Variants in SAMD5 observed in about 807,000 individuals in gnomAD.
SAMD5 encodes sterile alpha motif domain containing 5.
SAMD5 carries 13 observed loss-of-function variants against 11.3 expected under a neutral mutation model. That is an observed-to-expected ratio of 1.15 (90% CI 0.75 to 1.83). SAMD5 has a LOEUF of 1.83. SAMD5 is among the 40% of genes most tolerant of loss of function. The pLI, the probability that SAMD5 is intolerant of heterozygous loss-of-function variation, is 0.00. For synonymous variants in SAMD5, 129 were observed against 111.3 expected (o/e 1.16, Z -1.00); for missense variants, 255 against 239.1 (o/e 1.07, Z -0.44).
chr6:147,569,404 A>T lies in SAMD5; in HGVS notation c.*4948A>T. ...CTAAATTCCATGTTAAGAGCTAAGT[A>T]GTATTTTTTTCTTAACAATTTTGCC... On this transcript the variant is annotated 3_prime_UTR_variant, in exon 2 of 2. Transcript: ENST00000367474. The T allele has an allele frequency of 1.0e-6, 1 of 960,494 alleles. No homozygotes were observed. Among genetic ancestry groups the T allele is most frequent in the Non-Finnish European group, 1.2e-6 (1 of 807,188 alleles). 59.5% of individuals were successfully genotyped at this position (960,494 alleles called of 1,614,324 possible). A position where few individuals can be genotyped will look rare whatever the true frequency, so the allele number is the denominator to read the frequency against.
chr6:147,701,540 G>A (rs888514797), intron 1 of SAMD5, among the ~76,000 whole-genome samples: 5 of 151,794 alleles, frequency 3.3e-5, no homozygotes, highest in African/African-American at 4.8e-5. Flanking sequence ...AGGCTGAGGC[G>A]TGAGAATCAC....
chr6:147,855,791 T>C, the SAMD5 span, among the ~76,000 whole-genome samples: 3 of 152,188 alleles, frequency 2.0e-5, no homozygotes, highest in East Asian at 5.8e-4. Flanking sequence ...AAATTCTGCC[T>C]ATAAAAAACA....
intron 1 of SAMD5, among the ~76,000 whole-genome samples, chr6:147,627,597 A>G (rs1790077136): frequency 1.3e-5 from 2 of 152,176 alleles, no homozygotes; most frequent in African/African-American, 4.8e-5. Context: ...CGGTGTGAAT[A>G]TTAATGCGAG....
At chr6:147,939,648 A>G in the SAMD5 span, among the ~76,000 whole-genome samples, 1 of 152,158 alleles carries the variant, frequency 6.6e-6, no homozygotes, top group Non-Finnish European at 1.5e-5. Context: ...GATGTAGAGG[A>G]GAAATAGTAG....
chr6:147,869,097 T>C, the SAMD5 span, among the ~76,000 whole-genome samples: 1 of 152,196 alleles, frequency 6.6e-6, no homozygotes, highest in Admixed American at 6.5e-5. Context: ...TTCGTTTCAT[T>C]TTTCATCCTA....
intron 1 of SAMD5, among the ~76,000 whole-genome samples, chr6:147,556,159 C>T (rs1171158571): frequency 2.6e-5 from 4 of 151,004 alleles, no homozygotes; most frequent in African/African-American, 9.7e-5. Flanking sequence ...GTGGTGTGAT[C>T]TTGGCTCACT....
chr6:147,917,515 C>T, the SAMD5 span, among the ~76,000 whole-genome samples: 2 of 152,092 alleles, frequency 1.3e-5, no homozygotes, highest in Non-Finnish European at 2.9e-5. Context: ...GTTGCCTGTT[C>T]ACTCTGATGG....
At chr6:147,705,638 G>T (rs966826256) in intron 1 of SAMD5, among the ~76,000 whole-genome samples, 22 of 152,144 alleles carry the variant, frequency 1.4e-4, no homozygotes, top group African/African-American at 5.1e-4. Flanking sequence ...AAGGTGCATT[G>T]TGTATTAATC....
the SAMD5 span, among the ~76,000 whole-genome samples, chr6:147,880,286 G>C: frequency 2.0e-5 from 3 of 150,622 alleles, no homozygotes; most frequent in Non-Finnish European, 3.0e-5. Flanking sequence ...CTCTCTCTCT[G>C]TCTCTCTGTC....
At chr6:147,855,120 TATAA>T in the SAMD5 span, among the ~76,000 whole-genome samples, 792 of 152,328 alleles carry the variant, frequency 5.2e-3, 5 homozygotes, top group Middle Eastern at 0.014. Context: ...CATTATACGG[TATAA>T]ATGTTTATTT....
At position 147,524,242 on chromosome 6, in the gene SAMD5, C is replaced by A. The variant is rs140243216; in HGVS notation, c.459+14855C>A. Among the ~76,000 whole-genome samples the A allele has an allele frequency of 2.8e-3, 430 of 152,056 alleles. 2 individuals carry two copies. The highest frequency in any genetic ancestry group is 9.9e-3 in the African/African-American group (410 of 41,486). ...CACTTCTCCAAACACTGTGGCATGA[C>A]CCACTTTATGTGTTCTCTGTGGCAT... is the stretch of plus-strand genomic sequence containing the variant. On this transcript the variant is annotated intron_variant, in intron 1 of 1. Transcript: ENST00000367474.
intron 1 of SAMD5, among the ~76,000 whole-genome samples, chr6:147,615,352 A>G (rs1357337285): frequency 6.6e-6 from 1 of 152,216 alleles, no homozygotes; most frequent in African/African-American, 2.4e-5. Context: ...AAATTAGGCT[A>G]TATTAATGCC....
intron 1 of SAMD5, among the ~76,000 whole-genome samples, chr6:147,683,361 T>A (rs1790966407): frequency 6.6e-6 from 1 of 152,268 alleles, no homozygotes. Context: ...TTTCTCCCTT[T>A]AAAAATTATT....
chr6:147,838,370 C>T, the SAMD5 span, among the ~76,000 whole-genome samples: 1 of 152,126 alleles, frequency 6.6e-6, no homozygotes, highest in Admixed American at 6.5e-5. Flanking sequence ...ATCAGAAAGA[C>T]CTTTCTGTTC....
At chr6:147,866,163 T>G in the SAMD5 span, among the ~76,000 whole-genome samples, 1 of 152,174 alleles carries the variant, frequency 6.6e-6, no homozygotes, top group Non-Finnish European at 1.5e-5. Context: ...TACCAGGGTG[T>G]GTATCATACA....
intron 1 of SAMD5, among the ~76,000 whole-genome samples, chr6:147,725,263 A>G (rs1791608875): frequency 6.6e-6 from 1 of 152,200 alleles, no homozygotes; most frequent in Non-Finnish European, 1.5e-5. Context: ...AGACTAGCTG[A>G]TTGATGGTTG....
At chr6:147,759,637 A>G in the SAMD5 span, among the ~76,000 whole-genome samples, 2 of 151,418 alleles carry the variant, frequency 1.3e-5, no homozygotes, top group African/African-American at 4.8e-5. Context: ...GAAAATAAAA[A>G]CTGCCAACTT....
At chr6:147,686,070 T>A (rs1033419881) in intron 1 of SAMD5, among the ~76,000 whole-genome samples, 20 of 152,240 alleles carry the variant, frequency 1.3e-4, no homozygotes, top group African/African-American at 4.8e-4. Context: ...GGACTACCTG[T>A]ATTTATTGAC....
chr6:147,693,741 G>A (rs769091980), intron 1 of SAMD5, among the ~76,000 whole-genome samples: 12 of 152,254 alleles, frequency 7.9e-5, no homozygotes, highest in South Asian at 2.1e-4. Flanking sequence ...CAAGGTAGGC[G>A]GGGGATCACC....
Sources: allele counts gnomAD v4.1 joint callset (sites outside exome capture counted in the v4.1 genomes callset), GRCh38; gene constraint gnomAD v4.1.1; transcripts MANE v1.5; gene names NCBI Gene and HGNC (gene_info 2026-07-23, HGNC 2026-07-21).